Variants in FAM222A observed in about 807,000 individuals in gnomAD.
The protein encoded by FAM222A is family with sequence similarity 222 member A.
A neutral mutation model predicts 25.8 loss-of-function variants in FAM222A; 7 were observed. That is an observed-to-expected ratio of 0.27 (90% confidence interval 0.15 to 0.51). The LOEUF (loss-of-function observed/expected upper bound fraction) is 0.51, where lower values mean the gene tolerates loss of function less well. FAM222A is among the 20% of genes least tolerant of loss of function. FAM222A has a pLI of 0.97. For missense variants in FAM222A, 573 were observed against 640.5 expected, an observed-to-expected ratio of 0.89 and a Z score of 1.14; for synonymous variants, 294 against 298.8, an observed-to-expected ratio of 0.98 and a Z score of 0.17.
At chr12:109,761,120 GAC>G (rs1406581606) in intron 2 of FAM222A, among the ~76,000 whole-genome samples, 1 of 152,182 alleles carries the variant, frequency 6.6e-6, no homozygotes, top group African/African-American at 2.4e-5. Context: ...CTCAGAGAGG[GAC>G]AGTGGTGTGC....
intron 2 of FAM222A, among the ~76,000 whole-genome samples, chr12:109,752,374 G>T (rs1888586906): frequency 6.6e-6 from 1 of 152,264 alleles, no homozygotes; most frequent in Non-Finnish European, 1.5e-5. Context: ...TGAATTGGGT[G>T]CCCTGCTGCT....
Position 109,768,422 on chromosome 12 carries a change from G to A in FAM222A, c.493G>A (p.Ala165Thr). The A allele has an allele frequency of 6.3e-7, 1 of 1,598,754 alleles. No individual in the cohort carries two copies. Among genetic ancestry groups the A allele is most frequent in the Non-Finnish European group, 8.5e-7 (1 of 1,178,532 alleles). Residue 165 changes from alanine to threonine, a missense_variant, in exon 3 of 3, where the codon GCG (alanine) becomes ACG (threonine). Coordinates refer to ENST00000538780, the MANE Select transcript of FAM222A (RefSeq NM_032829.3). ...GPLAYPKPPE[A>T]PAPPPGLPAA... ...CTTGGCCTACCCCAAGCCACCTGAG[G>A]CGCCTGCTCCACCACCCGGCCTGCC...
At chr12:109,718,688 GCCGGTCACCTCCGCGGGCGCCGC>G (rs754318625) in intron 1 of FAM222A, among the ~76,000 whole-genome samples, 13 of 152,238 alleles carry the variant, frequency 8.5e-5, no homozygotes, top group Non-Finnish European at 1.3e-4. Flanking sequence ...TGCGGTGCCG[GCCGGTCACCTCCGCGGGCGCCGC>G]CCGCCGCCCT....
At chr12:109,724,475 C>CA (rs1270009449) in intron 1 of FAM222A, among the ~76,000 whole-genome samples, 5 of 152,226 alleles carry the variant, frequency 3.3e-5, no homozygotes, top group African/African-American at 9.6e-5. Flanking sequence ...CCCTGGTGCC[C>CA]AGCCTGGCTC....
At chr12:109,747,800 A>C (rs1402010433) in intron 2 of FAM222A, among the ~76,000 whole-genome samples, 1 of 152,072 alleles carries the variant, frequency 6.6e-6, no homozygotes, top group Non-Finnish European at 1.5e-5. Flanking sequence ...TATTGTTCTT[A>C]ATGGTTTTTC....
intron 1 of FAM222A, among the ~76,000 whole-genome samples, chr12:109,716,607 G>A (rs1349508346): frequency 1.3e-5 from 2 of 152,206 alleles, no homozygotes; most frequent in Non-Finnish European, 2.9e-5. Context: ...CGGGAGAGGT[G>A]GGCAGAAGGG....
In FAM222A at chr12:109,730,582, G is replaced by A. The variant is rs375022959; in HGVS notation, c.-46-13519G>A. 1.8e-4 allele frequency among the ~76,000 whole-genome samples: 28 copies of A among 152,274 alleles called. 1 individual carries two copies. Among genetic ancestry groups the A allele is most frequent in the African/African-American group, 3.4e-4 (14 of 41,564 alleles). On this transcript the variant is annotated intron_variant, in intron 1 of 2. Coordinates refer to ENST00000538780, the MANE Select transcript of FAM222A (RefSeq NM_032829.3). ...TTTTTCTGGGAAGCAGCCTGTCCTC[G>A]GAAGGACCCCTCTTCTCTGGGCCCC...
chr12:109,716,343 C>A (rs2136313100), intron 1 of FAM222A, among the ~76,000 whole-genome samples: 1 of 152,282 alleles, frequency 6.6e-6, no homozygotes, highest in South Asian at 2.1e-4. Context: ...ACTGTCATTG[C>A]CTCAGCAGCG....
intron 2 of FAM222A, among the ~76,000 whole-genome samples, chr12:109,755,977 C>T (rs1469106025): frequency 6.6e-6 from 1 of 152,220 alleles, no homozygotes; most frequent in Admixed American, 6.5e-5. Context: ...TTAGTCTCAG[C>T]TTGTCAAGTT....
intron 2 of FAM222A, among the ~76,000 whole-genome samples, chr12:109,764,158 A>C (rs781299133): frequency 3.6e-5 from 5 of 137,214 alleles, no homozygotes; most frequent in Non-Finnish European, 6.1e-5. Flanking sequence ...TGAGCCTGGG[A>C]GGTTGAGGCT....
chr12:109,769,018 A>AGCG lies in FAM222A; in HGVS notation c.1097_1099dup (p.Ala366dup), dbSNP rs767535084. Reference sequence around the variant, plus strand: ...CACCCACCAGCGACTGCTACAACCCAGCGGCGGCGGTGGTGGTCACGGAGC... The same window carrying AGCG: ...CACCCACCAGCGACTGCTACAACCCAGCGGCGGCGGCGGTGGTGGTCACGGAGC... On this transcript the variant is annotated inframe_insertion, in exon 3 of 3. Transcript: ENST00000538780. 2.0e-5 allele frequency: 31 copies of AGCG among 1,580,172 alleles called. No individual in the cohort carries two copies. Among genetic ancestry groups the AGCG allele is most frequent in the Non-Finnish European group, 2.6e-5 (30 of 1,165,342 alleles).
At chr12:109,719,854 C>T (rs1198440676) in intron 1 of FAM222A, among the ~76,000 whole-genome samples, 2 of 152,140 alleles carry the variant, frequency 1.3e-5, no homozygotes, top group African/African-American at 4.8e-5. Flanking sequence ...ATCTGAGAGG[C>T]AGGGGCCAGC....
At chr12:109,767,918 G>C in intron 2 of FAM222A, 94 bp from the exon 3 acceptor site, 1 of 1,240,904 alleles carries the variant, frequency 8.1e-7, no homozygotes, top group Non-Finnish European at 1.1e-6. Context: ...TAAAATGAAT[G>C]GGAAATGAGT....
chr12:109,748,388 C>T (rs1415600852), intron 2 of FAM222A, among the ~76,000 whole-genome samples: 1 of 136,484 alleles, frequency 7.3e-6, no homozygotes, highest in East Asian at 2.2e-4. Context: ...CTATGTTACA[C>T]TGACATCATG....
At chr12:109,767,784 C>T (rs1463403747) in intron 2 of FAM222A, among the ~76,000 whole-genome samples, 1 of 152,132 alleles carries the variant, frequency 6.6e-6, no homozygotes, top group Non-Finnish European at 1.5e-5. Flanking sequence ...TGTCCTGTCT[C>T]CTGGCCTGGG....
At chr12:109,744,505 G>A (rs1157206165) in intron 2 of FAM222A, 11 of 985,118 alleles carry the variant, frequency 1.1e-5, no homozygotes, top group East Asian at 1.1e-4. Flanking sequence ...CCCCAACCCC[G>A]CCTCTGCAAC....
intron 1 of FAM222A, among the ~76,000 whole-genome samples, chr12:109,727,223 C>T (rs1159972158): frequency 6.6e-6 from 1 of 152,134 alleles, no homozygotes; most frequent in Non-Finnish European, 1.5e-5. Context: ...TTGAGCCGGG[C>T]CGGGCGGCCA....
At chr12:109,723,052 T>A (rs1465140203) in intron 1 of FAM222A, among the ~76,000 whole-genome samples, 1 of 151,784 alleles carries the variant, frequency 6.6e-6, no homozygotes, top group African/African-American at 2.4e-5. Context: ...CAGGGAACAA[T>A]TATTAGCGAT....
chr12:109,761,806 G>C (rs1888905840), intron 2 of FAM222A, among the ~76,000 whole-genome samples: 1 of 152,104 alleles, frequency 6.6e-6, no homozygotes, highest in South Asian at 2.1e-4. Flanking sequence ...CAGCCTGGGG[G>C]GTCGTAGGAA....
Sources: gnomAD v4.1 joint callset for allele counts (sites outside exome capture counted in the v4.1 genomes callset) on GRCh38, gnomAD v4.1.1 for gene constraint, MANE v1.5 for transcripts, NCBI Gene and HGNC (gene_info 2026-07-23, HGNC 2026-07-21) for gene names.